CHID1: variants seen among roughly 807,000 people sequenced by gnomAD.
CHID1 encodes chitinase domain containing 1, also known as chitinase domain-containing protein 1.
Under a neutral mutation model 55.4 loss-of-function variants are expected in CHID1, and 44 were observed. The ratio of observed to expected loss-of-function variants is 0.79; its 90% CI spans 0.62 to 1.02. CHID1 has a LOEUF of 1.02. CHID1 is among the 50% of genes least tolerant of loss of function. The pLI is 0.00. For synonymous variants in CHID1, 216 were observed against 212.9 expected (o/e 1.01, Z -0.13); for missense variants, 491 against 515.3 (o/e 0.95, Z 0.46).
At chr11:882,419 A>G (rs1286244453) in intron 10 of CHID1, 2 of 152,300 alleles carry the variant, frequency 1.3e-5, no homozygotes, top group Admixed American at 6.5e-5. Context: ...ACGAGAAGAC[A>G]GAAGAGAAGA....
upstream of CHID1, among the ~76,000 whole-genome samples, chr11:912,844 A>C (rs1422605489): frequency 1.3e-5 from 2 of 151,932 alleles, no homozygotes. Context: ...CCTCAAAAAA[A>C]AAAAAAAGAA....
intron 5 of CHID1, among the ~76,000 whole-genome samples, chr11:900,555 G>A (rs376768612): frequency 1.1e-3 from 172 of 152,282 alleles, no homozygotes; most frequent in Middle Eastern, 3.4e-3. Context: ...TTCCCCAGCC[G>A]TGAGCTACAG....
intron 8 of CHID1, among the ~76,000 whole-genome samples, chr11:887,727 G>A (rs375784949): frequency 5.3e-5 from 8 of 152,202 alleles, no homozygotes; most frequent in African/African-American, 7.2e-5. Flanking sequence ...CGCTTCACAC[G>A]CTGCTATCAG....
intron 7 of CHID1, among the ~76,000 whole-genome samples, chr11:898,043 C>T (rs1163321463): frequency 4.6e-5 from 7 of 152,160 alleles, no homozygotes; most frequent in Non-Finnish European, 7.4e-5. Context: ...GTGGGAGGAG[C>T]GGCAGGGCTG....
chr11:889,457 C>A (rs1850645821), intron 8 of CHID1, among the ~76,000 whole-genome samples: 1 of 152,166 alleles, frequency 6.6e-6, no homozygotes, highest in African/African-American at 2.4e-5. Context: ...GGGGTGGGCC[C>A]ATCTCTTCCC....
chr11:873,498 A>T (rs1849305831), intron 10 of CHID1, among the ~76,000 whole-genome samples: 1 of 152,024 alleles, frequency 6.6e-6, no homozygotes, highest in Admixed American at 6.5e-5. Context: ...CCTGCCTGGG[A>T]GGAAGGAAGG....
intron 7 of CHID1, among the ~76,000 whole-genome samples, chr11:896,636 C>A (rs1474189987): frequency 7.2e-6 from 1 of 139,378 alleles, no homozygotes; most frequent in African/African-American, 2.9e-5. Context: ...GTGCCCCCAG[C>A]CTCCACCCCA....
chr11:874,173 CAG>C (rs1849346685), intron 10 of CHID1, among the ~76,000 whole-genome samples: 1 of 152,178 alleles, frequency 6.6e-6, no homozygotes, highest in African/African-American at 2.4e-5. Flanking sequence ...GGATTAAAAA[CAG>C]AGGGGGCCGG....
chr11:881,181 C>T (rs554969896), intron 10 of CHID1, among the ~76,000 whole-genome samples: 6 of 152,290 alleles, frequency 3.9e-5, no homozygotes, highest in South Asian at 4.1e-4. Context: ...TGGTGGCTCA[C>T]GCGTGTCATC....
At chr11:895,230 T>C (rs1851173709) in intron 7 of CHID1, among the ~76,000 whole-genome samples, 1 of 152,124 alleles carries the variant, frequency 6.6e-6, no homozygotes, top group Non-Finnish European at 1.5e-5. Context: ...TGTCTGCAGG[T>C]ACCCACAGCT....
In CHID1 at chr11:867,895, A is replaced by G. The variant is rs1001786689; in HGVS notation, c.*1963T>C. ...GAAAAAAAATGCATCAAGGTGCCTC[A>G]GGATTCTCACAGCCAGGGGTGAGGG... On this transcript the variant is annotated 3_prime_UTR_variant, in exon 13 of 13. Transcript: ENST00000323578. 6 of 152,224 alleles carry G rather than the reference A, an allele frequency of 3.9e-5. No individual in the cohort carries two copies. Among genetic ancestry groups the G allele is most frequent in the Admixed American group, 3.9e-4 (6 of 15,286 alleles). The allele number at this position is 152,224 out of a possible 1,614,324, so 9.4% of individuals were successfully genotyped here. A position where few individuals can be genotyped will look rare whatever the true frequency, so the allele number is the denominator to read the frequency against.
intron 5 of CHID1, among the ~76,000 whole-genome samples, chr11:900,388 C>T (rs954116448): frequency 3.9e-5 from 6 of 152,168 alleles, no homozygotes; most frequent in Non-Finnish European, 8.8e-5. Flanking sequence ...TGGTTGTGGC[C>T]CCACCTTACA....
At chr11:888,804 GCCT>G (rs1850588213) in intron 8 of CHID1, among the ~76,000 whole-genome samples, 1 of 151,956 alleles carries the variant, frequency 6.6e-6, no homozygotes, top group African/African-American at 2.4e-5. Context: ...TGCCCACTCG[GCCT>G]CGACTGGACC....
At chr11:910,837 A>G, upstream of CHID1, 1 of 1,093,632 alleles carries the variant, frequency 9.1e-7, no homozygotes, top group Middle Eastern at 4.2e-4. Flanking sequence ...AGCGCGCCGG[A>G]AGTCCCGCCC....
At chr11:900,826 C>A (rs1851751194) in intron 5 of CHID1, 110 bp downstream of exon 5, 7 of 886,974 alleles carry the variant, frequency 7.9e-6, no homozygotes, top group Non-Finnish European at 1.2e-5. Flanking sequence ...GTAACCTGTG[C>A]CGCAGCAGCA....
intron 10 of CHID1, among the ~76,000 whole-genome samples, chr11:882,794 A>C (rs1354131304): frequency 6.6e-6 from 1 of 152,238 alleles, no homozygotes; most frequent in Non-Finnish European, 1.5e-5. Flanking sequence ...ACAAAGCAGG[A>C]AATTACTCCC....
Position 904,859 on chromosome 11 carries a change from G to T in CHID1, c.-43C>A, listed in dbSNP as rs376769575. ...AGGGTCCAACCTCGGGGTCCAGAGG[G>T]CTGCAGGGAAAGCAGAGCACATTCA... On this transcript the variant is annotated splice_region_variant and 5_prime_UTR_variant, in exon 2 of 13. Transcript: ENST00000323578. The T allele has an allele frequency of 3.8e-5, 62 of 1,612,668 alleles. No individual in the cohort carries two copies. The highest frequency in any genetic ancestry group is 4.9e-5 in the Non-Finnish European group (58 of 1,179,888).
Position 882,142 on chromosome 11 carries a change from C to T in CHID1, c.959+1006G>A, listed in dbSNP as rs148437680. 9.9e-3 allele frequency among the ~76,000 whole-genome samples: 1,509 copies of T among 152,112 alleles called. 31 individuals are homozygous for T. The highest frequency in any genetic ancestry group is 0.034 in the African/African-American group (1,431 of 41,486). On this transcript the variant is annotated intron_variant, in intron 10 of 12. Transcript: ENST00000323578. The stretch of plus-strand genomic sequence containing the variant: ...GAGATCGAGACCATCCTGGCTAATG[C>T]GGTGAAATCCCATCTCTACTAAAGA...
Position 903,080 on chromosome 11 carries a change from C to T in CHID1, c.143G>A (p.Arg48Gln), listed in dbSNP as rs200139988. 1.7e-5 allele frequency: 28 copies of T among 1,612,906 alleles called. No homozygotes were observed. Among genetic ancestry groups the T allele is most frequent in the African/African-American group, 4.0e-5 (3 of 75,060 alleles). The change falls in exon 3 of 13, where the codon CGG (arginine) becomes CAG (glutamine). Residue 48 changes from arginine to glutamine, a missense_variant. By Grantham distance (43) the Arg-to-Gln change is conservative. Coordinates refer to ENST00000323578, the MANE Select transcript of CHID1 (RefSeq NM_023947.4). Reference sequence around the variant, plus strand: ...TTTGAGGTCCGTCACCACCAAACCCCGGTCTTGCACCGGCTTATCTGAAAA... The same window carrying T: ...TTTGAGGTCCGTCACCACCAAACCCTGGTCTTGCACCGGCTTATCTGAAAA... ...SQFSDKPVQD[R>Q]GLVVTDLKAE...
Sources: allele counts gnomAD v4.1 joint callset (sites outside exome capture counted in the v4.1 genomes callset), GRCh38; gene constraint gnomAD v4.1.1; transcripts MANE v1.5; gene names NCBI Gene and HGNC (gene_info 2026-07-23, HGNC 2026-07-21).